The following CPVL variants were observed in gnomAD, a reference collection of about 807,000 sequenced individuals.
The protein encoded by CPVL is carboxypeptidase vitellogenic like, also known as probable serine carboxypeptidase CPVL.
Under a neutral mutation model 63.7 loss-of-function variants are expected in CPVL, and 51 were observed. The ratio of observed to expected loss-of-function variants is 0.80; its 90% CI spans 0.64 to 1.01. CPVL has a LOEUF of 1.01. Among genes scored for constraint, CPVL ranks in the 50% least tolerant of loss-of-function variants. The probability of loss-of-function intolerance (pLI) is 0.00; values close to 1 mark genes in which losing one functional copy is unlikely to be tolerated. For missense variants in CPVL, 530 were observed against 573.1 expected (o/e 0.92, Z 0.77); for synonymous variants, 195 against 206.0 (o/e 0.95, Z 0.46).
At chr7:29,071,037 T>C (rs1161133532) in intron 9 of CPVL, among the ~76,000 whole-genome samples, 1 of 152,112 alleles carries the variant, frequency 6.6e-6, no homozygotes, top group East Asian at 1.9e-4. Flanking sequence ...ATGATGGCTG[T>C]ATAGTAAATA....
intron 11 of CPVL, among the ~76,000 whole-genome samples, chr7:29,038,725 T>C (rs142193888): frequency 6.6e-6 from 1 of 152,326 alleles, no homozygotes; most frequent in African/African-American, 2.4e-5. Flanking sequence ...ATTCTCTGTA[T>C]CCATACCTCT....
chr7:29,030,404 T>C (rs1787909392), intron 12 of CPVL, among the ~76,000 whole-genome samples, 173 bp downstream of exon 12: 2 of 152,202 alleles, frequency 1.3e-5, no homozygotes, highest in Admixed American at 1.3e-4. Context: ...TTTAGTCCTA[T>C]GTATGTCTGA....
intron 12 of CPVL, among the ~76,000 whole-genome samples, chr7:28,997,121 T>C (rs566348050): frequency 5.9e-4 from 90 of 152,324 alleles, no homozygotes; most frequent in Admixed American, 1.0e-3. Context: ...AACGGGAAGC[T>C]GTCATGATTC....
At chr7:29,131,108 T>C (rs1240675188) in intron 1 of CPVL, among the ~76,000 whole-genome samples, 1 of 152,050 alleles carries the variant, frequency 6.6e-6, no homozygotes, top group Non-Finnish European at 1.5e-5. Flanking sequence ...GAGGCGGAGC[T>C]TGCAGTGAGC....
intron 1 of CPVL, among the ~76,000 whole-genome samples, chr7:29,188,665 C>T (rs953136633): frequency 3.9e-5 from 6 of 151,988 alleles, no homozygotes; most frequent in Admixed American, 1.3e-4. Context: ...AGGATCTGCT[C>T]GGTTCCCTGG....
At chr7:29,014,401 T>C (rs1241422486) in intron 12 of CPVL, among the ~76,000 whole-genome samples, 1 of 152,178 alleles carries the variant, frequency 6.6e-6, no homozygotes, top group Non-Finnish European at 1.5e-5. Context: ...GGCGTGAACA[T>C]AGCTCACTGC....
chr7:29,144,123 G>C (rs1363328447), intron 1 of CPVL, among the ~76,000 whole-genome samples: 1 of 152,152 alleles, frequency 6.6e-6, no homozygotes, highest in African/African-American at 2.4e-5. Flanking sequence ...TTGTTCTAGA[G>C]GTATCTTTCT....
chr7:29,172,536 T>C (rs1796738918), intron 5 of CPVL, among the ~76,000 whole-genome samples: 1 of 152,256 alleles, frequency 6.6e-6, no homozygotes, highest in South Asian at 2.1e-4. Context: ...TGATTTCCCT[T>C]GCAGTTGGGA....
intron 5 of CPVL, among the ~76,000 whole-genome samples, chr7:29,171,523 G>A (rs999239816): frequency 4.6e-5 from 7 of 152,128 alleles, no homozygotes; most frequent in South Asian, 2.1e-4. Context: ...ATTCAGCCCC[G>A]AGCTTTCTTT....
At chr7:29,173,107 G>T (rs1411066055) in intron 5 of CPVL, among the ~76,000 whole-genome samples, 4 of 150,754 alleles carry the variant, frequency 2.7e-5, no homozygotes, top group Non-Finnish European at 5.9e-5. Flanking sequence ...CTCCAGCCTG[G>T]GTGACAGAGC....
chr7:29,140,192 C>A (rs940082592), intron 1 of CPVL, among the ~76,000 whole-genome samples: 1 of 152,172 alleles, frequency 6.6e-6, no homozygotes, highest in Non-Finnish European at 1.5e-5. Context: ...GTAATCCCGG[C>A]ACTTTAGGAG....
rs796214049 is a variant in CPVL at position 29,021,598 on chromosome 7, C to T, written c.1320+8979G>A. On this transcript the variant is annotated intron_variant, in intron 12 of 12. Coordinates refer to ENST00000265394, the MANE Select transcript of CPVL (RefSeq NM_031311.5). Reference sequence around the variant, plus strand: ...AGGTAAATGAGAGATTCCCAGCAGTCAGCAGTCCATATTCCCACCACAGAC... The same window carrying T: ...AGGTAAATGAGAGATTCCCAGCAGTTAGCAGTCCATATTCCCACCACAGAC... 3.9e-5 allele frequency among the ~76,000 whole-genome samples: 6 copies of T among 152,052 alleles called. No homozygotes were observed. In the South Asian group the frequency reaches 1.0e-3, roughly 26 times the overall value.
At chr7:29,126,622 A>G (rs1584340010) in intron 1 of CPVL, 2 of 152,350 alleles carry the variant, frequency 1.3e-5, no homozygotes, top group South Asian at 2.1e-4. Flanking sequence ...ACAAACAAAG[A>G]GCAGGTATTT....
At chr7:29,121,133 A>C in intron 1 of CPVL, 62 bp from the exon 2 acceptor site, 2 of 1,418,478 alleles carry the variant, frequency 1.4e-6, no homozygotes, top group Non-Finnish European at 1.9e-6. Context: ...TGGCCCTTTT[A>C]CATGCAAGAA....
chr7:29,018,136 A>G (rs1369012538), intron 12 of CPVL, among the ~76,000 whole-genome samples: 3 of 152,240 alleles, frequency 2.0e-5, no homozygotes, highest in African/African-American at 7.2e-5. Flanking sequence ...AAAACTCATG[A>G]TTATAGAAGC....
Position 29,064,221 on chromosome 7 carries a change from T to TG in CPVL, c.976dup (p.Gln326ProfsTer25). ...TGACAAAAATTTCACATAGTAAAGC[T>TG]GATCCTCAGGTTCCTGGCAGAAGGG... On this transcript the variant is annotated frameshift_variant, in exon 11 of 13. Transcript: ENST00000265394. LOFTEE classifies it high-confidence loss of function. 6.2e-7 allele frequency: 1 copy of TG among 1,611,734 alleles called. No individual in the cohort carries two copies. The highest frequency in any genetic ancestry group is 8.5e-7 in the Non-Finnish European group (1 of 1,178,210).
chr7:29,055,351 G>A (rs1790625521), intron 11 of CPVL, among the ~76,000 whole-genome samples: 1 of 152,168 alleles, frequency 6.6e-6, no homozygotes, highest in South Asian at 2.1e-4. Context: ...CTAGGTTCAA[G>A]CAATTCTTCT....
intron 11 of CPVL, among the ~76,000 whole-genome samples, chr7:29,037,252 A>G (rs577767582): frequency 1.6e-4 from 25 of 152,244 alleles, no homozygotes; most frequent in Admixed American, 1.3e-3. Context: ...CACAATGGGT[A>G]TAAGAAAAGT....
At chr7:29,083,410 T>G (rs569284269) in intron 7 of CPVL, among the ~76,000 whole-genome samples, 3 of 152,198 alleles carry the variant, frequency 2.0e-5, no homozygotes, top group Admixed American at 2.0e-4. Context: ...TCAGGCACCA[T>G]TCTGGCCAAT....
Sources: gnomAD v4.1 joint callset for allele counts (sites outside exome capture counted in the v4.1 genomes callset) on GRCh38, gnomAD v4.1.1 for gene constraint, MANE v1.5 for transcripts, NCBI Gene and HGNC (gene_info 2026-07-23, HGNC 2026-07-21) for gene names.